The following SLC9B1 variants were observed in gnomAD, a reference collection of about 807,000 sequenced individuals.
The protein encoded by SLC9B1 is sodium/hydrogen exchanger 9B1.
In SLC9B1, 32 loss-of-function variants were observed where a neutral mutation model predicts 51.7. The observed-to-expected ratio is 0.62, with a 90% CI of 0.47 to 0.83. SLC9B1 has a LOEUF of 0.83. SLC9B1 is among the 40% of genes least tolerant of loss of function. The pLI is 0.00. For missense variants in SLC9B1, 406 were observed against 613.2 expected, an observed-to-expected ratio of 0.66 and a Z score of 3.57; for synonymous variants, 145 against 212.7, an observed-to-expected ratio of 0.68 and a Z score of 2.77.
At chr4:102,975,634 A>C (rs28636930) in intron 3 of SLC9B1, among the ~76,000 whole-genome samples, 74,616 of 128,612 alleles carry the variant, frequency 0.58, 22,550 homozygotes, top group African/African-American at 0.79. Context: ...GTGGTGCAAT[A>C]TCGGCTCACT....
At chr4:102,896,224 C>A (rs1343170315), downstream of SLC9B1, among the ~76,000 whole-genome samples, 1 of 152,080 alleles carries the variant, frequency 6.6e-6, no homozygotes, top group African/African-American at 2.4e-5. Flanking sequence ...AGTTCCTTTG[C>A]CCTCCTCCCC....
intron 1 of SLC9B1, among the ~76,000 whole-genome samples, chr4:103,009,472 C>A (rs1426295845): frequency 6.6e-6 from 1 of 152,200 alleles, no homozygotes; most frequent in East Asian, 1.9e-4. Context: ...AATTTGACAA[C>A]AGCATTAATA....
At chr4:102,895,054 A>T (rs1734470422) in intron 11 of SLC9B1, among the ~76,000 whole-genome samples, 1 of 152,208 alleles carries the variant, frequency 6.6e-6, no homozygotes, top group South Asian at 2.1e-4. Flanking sequence ...AAGTTCATGT[A>T]GAAGAATAGT....
At chr4:102,988,246 A>G (rs1055715526) in intron 3 of SLC9B1, among the ~76,000 whole-genome samples, 2 of 152,134 alleles carry the variant, frequency 1.3e-5, no homozygotes, top group South Asian at 4.1e-4. Context: ...CTCTAAATCT[A>G]CTGTCCTAGA....
chr4:103,003,960 A>G (rs1740657664), intron 1 of SLC9B1, among the ~76,000 whole-genome samples: 1 of 152,196 alleles, frequency 6.6e-6, no homozygotes, highest in African/African-American at 2.4e-5. Flanking sequence ...TAGGACAACA[A>G]CTTAAATGTT....
chr4:102,997,199 A>C (rs1386802242), intron 1 of SLC9B1, among the ~76,000 whole-genome samples: 1 of 152,190 alleles, frequency 6.6e-6, no homozygotes, highest in Non-Finnish European at 1.5e-5. Context: ...TTTTAGGACC[A>C]AGTTGTCAAT....
At chr4:102,926,262 G>C (rs1171686024) in intron 7 of SLC9B1, among the ~76,000 whole-genome samples, 1 of 152,230 alleles carries the variant, frequency 6.6e-6, no homozygotes, top group Non-Finnish European at 1.5e-5. Context: ...TCAGGCAGGA[G>C]AAAGAAATAA....
intron 7 of SLC9B1, among the ~76,000 whole-genome samples, chr4:102,928,196 G>T (rs1400567314): frequency 7.9e-5 from 12 of 152,118 alleles, no homozygotes; most frequent in African/African-American, 2.9e-4. Flanking sequence ...TGCATGTTGT[G>T]CACCTGTACC....
At chr4:102,937,784 A>G (rs1275439523) in intron 6 of SLC9B1, among the ~76,000 whole-genome samples, 1 of 151,700 alleles carries the variant, frequency 6.6e-6, no homozygotes. Flanking sequence ...ACTAAACTTC[A>G]TATTGAAGGA....
intron 4 of SLC9B1, 92 bp from the exon 5 acceptor site, chr4:102,946,881 C>G: frequency 8.1e-7 from 1 of 1,232,622 alleles, no homozygotes; most frequent in Non-Finnish European, 1.1e-6. Flanking sequence ...CACTATGTCT[C>G]TCATTATTTT....
At chr4:102,985,208 C>A (rs780150362) in intron 3 of SLC9B1, among the ~76,000 whole-genome samples, 1 of 152,114 alleles carries the variant, frequency 6.6e-6, no homozygotes, top group Admixed American at 6.6e-5. Flanking sequence ...CAATATGTAT[C>A]TTGTAAAAAA....
At chr4:103,000,090 T>G (rs556566013) in intron 1 of SLC9B1, among the ~76,000 whole-genome samples, 1 of 152,152 alleles carries the variant, frequency 6.6e-6, no homozygotes. Flanking sequence ...CGAGGGAAAC[T>G]GCCCCCTTGA....
At chr4:102,939,045 A>G (rs1736857590) in intron 6 of SLC9B1, among the ~76,000 whole-genome samples, 1 of 152,042 alleles carries the variant, frequency 6.6e-6, no homozygotes, top group African/African-American at 2.4e-5. Context: ...ATGGAATGAA[A>G]TTGAGTCATG....
At chr4:102,930,198 T>G (rs553472429) in intron 7 of SLC9B1, among the ~76,000 whole-genome samples, 4 of 152,150 alleles carry the variant, frequency 2.6e-5, no homozygotes, top group South Asian at 2.1e-4. Flanking sequence ...CCTATCAAAT[T>G]AGCAAAGATG....
chr4:102,955,584 GTGGT>G (rs1271510418), intron 3 of SLC9B1, among the ~76,000 whole-genome samples: 2 of 152,034 alleles, frequency 1.3e-5, no homozygotes, highest in Non-Finnish European at 2.9e-5. Flanking sequence ...ATATAGCAGA[GTGGT>G]TTGAGAATGA....
intron 6 of SLC9B1, among the ~76,000 whole-genome samples, chr4:102,940,208 C>A (rs1200769724): frequency 2.6e-5 from 4 of 152,144 alleles, no homozygotes; most frequent in African/African-American, 4.8e-5. Flanking sequence ...TATACACCAA[C>A]AACATCCAAG....
intron 1 of SLC9B1, among the ~76,000 whole-genome samples, chr4:102,993,623 C>A (rs1322434586): frequency 6.6e-6 from 1 of 152,152 alleles, no homozygotes; most frequent in African/African-American, 2.4e-5. Flanking sequence ...AGGTAGTGCC[C>A]CAGTGGGGAC....
intron 3 of SLC9B1, among the ~76,000 whole-genome samples, chr4:102,963,592 CT>C (rs1297366722): frequency 2.0e-5 from 3 of 152,212 alleles, no homozygotes; most frequent in African/African-American, 7.2e-5. Context: ...TTCACTTGAG[CT>C]TTTTTGTTGA....
chr4:102,988,778 AG>A (rs1438082319), intron 3 of SLC9B1, among the ~76,000 whole-genome samples: 2 of 152,130 alleles, frequency 1.3e-5, no homozygotes, highest in African/African-American at 4.8e-5. Context: ...AAGAAAACAA[AG>A]GGGGAAATGA....
Sources: gnomAD v4.1 joint callset for allele counts (sites outside exome capture counted in the v4.1 genomes callset) on GRCh38, gnomAD v4.1.1 for gene constraint, MANE v1.5 for transcripts, NCBI Gene and HGNC (gene_info 2026-07-23, HGNC 2026-07-21) for gene names.